Variants in TNPO3 observed in about 807,000 individuals in gnomAD.
The protein encoded by TNPO3 is transportin-3.
TNPO3 carries 65 observed loss-of-function variants against 122.8 expected under a neutral mutation model. That is an observed-to-expected ratio of 0.53 (90% confidence interval 0.43 to 0.65). TNPO3 has a LOEUF of 0.65. TNPO3 is among the 30% of genes least tolerant of loss of function. TNPO3 has a pLI of 0.00. For missense variants in TNPO3, 850 were observed against 1,136.7 expected (o/e 0.75, Z 3.63); for synonymous variants, 372 against 411.2 (o/e 0.90, Z 1.15).
intron 20 of TNPO3, 152 bp from the exon 21 acceptor site, chr7:128,967,544 C>T: frequency 1.7e-6 from 1 of 587,278 alleles, no homozygotes. Flanking sequence ...AAAGTGCTCT[C>T]ATTAGCCCTT....
intron 21 of TNPO3, among the ~76,000 whole-genome samples, chr7:128,958,137 C>CTTTTTTTTTTTTTTT (rs55683535): frequency 3.1e-5 from 3 of 96,202 alleles, no homozygotes; most frequent in Admixed American, 1.3e-4. Flanking sequence ...GAAGCACTTC[C>CTTTTTTTTTTTTTTT]TTTTTTTTTT....
chr7:128,991,987 T>A lies in TNPO3; in HGVS notation c.1358+12A>T, dbSNP rs746455886. ...TTTAGAGTTCCCAGCAAAAGACTTA[T>A]GAGACACTCACGGATCAACACTCTT... On this transcript the variant is annotated intron_variant, in intron 10 of 22. Transcript: ENST00000265388. 6.4e-7 allele frequency: 1 copy of A among 1,570,606 alleles called. No homozygotes were observed. The highest frequency in any genetic ancestry group is 1.2e-5 in the South Asian group (1 of 85,586).
chr7:128,980,714 AAAC>A lies in TNPO3; in HGVS notation c.1860-686_1860-684del, dbSNP rs766836664. Among the ~76,000 whole-genome samples the A allele has an allele frequency of 5.4e-3, 818 of 152,172 alleles. 7 individuals carry two copies. The highest frequency in any genetic ancestry group is 9.4e-3 in the Non-Finnish European group (642 of 67,986). ...CTCCATCTCAAAAACAAACAAACAA[AAAC>A]AACAACAACAACAACAACAAAACCA... On this transcript the variant is annotated intron_variant, in intron 14 of 22. Transcript: ENST00000265388.
rs1797628460 is a variant in TNPO3, at chr7:128,963,151, T to A, written c.2711+4129A>T. Reference sequence around the variant, plus strand: ...ACTATGTGCAAGATCTTCTTTAGATTTCCATTTGGTATCTCATAATAACCT... The same window carrying A: ...ACTATGTGCAAGATCTTCTTTAGATATCCATTTGGTATCTCATAATAACCT... On this transcript the variant is annotated intron_variant, in intron 21 of 22. Transcript: ENST00000265388. Among the ~76,000 whole-genome samples, 2 of 152,236 alleles carry A rather than the reference T, an allele frequency of 1.3e-5. 1 individual carries two copies. The highest frequency in any genetic ancestry group is 4.8e-5 in the African/African-American group (2 of 41,472).
intron 1 of TNPO3, among the ~76,000 whole-genome samples, chr7:129,032,449 T>C (rs973724880): frequency 6.6e-6 from 1 of 152,164 alleles, no homozygotes; most frequent in African/African-American, 2.4e-5. Flanking sequence ...TTCAACATGA[T>C]CTTACTTGTA....
chr7:129,004,969 GA>G, intron 5 of TNPO3, 46 bp downstream of exon 5: 2 of 1,576,940 alleles, frequency 1.3e-6, no homozygotes, highest in South Asian at 1.2e-5. Context: ...GGTTAGTTAC[GA>G]AAAGTGATTG....
intron 4 of TNPO3, among the ~76,000 whole-genome samples, chr7:129,008,919 A>G (rs1802882654): frequency 6.6e-6 from 1 of 152,228 alleles, no homozygotes; most frequent in Non-Finnish European, 1.5e-5. Flanking sequence ...CTGAAAGACC[A>G]AATTCTGAAA....
chr7:128,988,363 C>T (rs1369208573), intron 11 of TNPO3, among the ~76,000 whole-genome samples: 1 of 152,180 alleles, frequency 6.6e-6, no homozygotes, highest in Admixed American at 6.5e-5. Context: ...GCACAATCTG[C>T]CTACCTCCAC....
At chr7:128,957,935 G>A (rs1797056126) in intron 21 of TNPO3, among the ~76,000 whole-genome samples, 1 of 152,102 alleles carries the variant, frequency 6.6e-6, no homozygotes, top group South Asian at 2.1e-4. Flanking sequence ...GACAAAGCAG[G>A]AGATGCCTAT....
intron 15 of TNPO3, 123 bp downstream of exon 15, chr7:128,979,848 C>A: frequency 2.3e-6 from 2 of 858,150 alleles, no homozygotes; most frequent in Non-Finnish European, 1.9e-6. Context: ...TCATTGAAAC[C>A]ACATCAACAA....
chr7:129,046,646 A>C (rs963517489), intron 1 of TNPO3, among the ~76,000 whole-genome samples: 5 of 152,348 alleles, frequency 3.3e-5, no homozygotes, highest in Admixed American at 2.6e-4. Flanking sequence ...CCCATGTATT[A>C]ATGTGTTCTC....
At chr7:128,970,111 G>A (rs1210037170) in intron 20 of TNPO3, 37 bp downstream of exon 20, 2 of 1,612,614 alleles carry the variant, frequency 1.2e-6, no homozygotes, top group Non-Finnish European at 1.7e-6. Context: ...TTACATTTAG[G>A]GACTATGAGA....
At chr7:129,017,429 T>C (rs12539476) in intron 2 of TNPO3, among the ~76,000 whole-genome samples, 13,738 of 152,272 alleles carry the variant, frequency 0.09, 859 homozygotes, top group South Asian at 0.15. Flanking sequence ...AGTCAGACCT[T>C]TGACTCAGTT....
At chr7:129,037,453 T>C (rs1409015535) in intron 1 of TNPO3, among the ~76,000 whole-genome samples, 1 of 152,094 alleles carries the variant, frequency 6.6e-6, no homozygotes, top group Non-Finnish European at 1.5e-5. Context: ...CTGCTAACAC[T>C]TCTAACAAAT....
At chr7:129,022,530 T>C (rs754595795) in intron 1 of TNPO3, among the ~76,000 whole-genome samples, 1 of 150,240 alleles carries the variant, frequency 6.7e-6, no homozygotes, top group Non-Finnish European at 1.5e-5. Context: ...AAACTATACA[T>C]TGAAAGAGTA....
At chr7:128,998,287 G>A (rs1357853173) in intron 7 of TNPO3, among the ~76,000 whole-genome samples, 1 of 152,084 alleles carries the variant, frequency 6.6e-6, no homozygotes, top group Non-Finnish European at 1.5e-5. Context: ...CTGAGCCCAG[G>A]AGGCTGAGGC....
chr7:128,987,673 C>G (rs1392345790), intron 11 of TNPO3, among the ~76,000 whole-genome samples: 1 of 152,148 alleles, frequency 6.6e-6, no homozygotes, highest in Non-Finnish European at 1.5e-5. Context: ...CTCCATCTCG[C>G]AGGTTCAAGC....
At chr7:129,006,619 C>G (rs1436877470) in intron 4 of TNPO3, among the ~76,000 whole-genome samples, 1 of 152,136 alleles carries the variant, frequency 6.6e-6, no homozygotes, top group East Asian at 1.9e-4. Context: ...CCATGGGGTT[C>G]AGGAGGCATG....
At chr7:129,041,565 G>A in intron 1 of TNPO3, 2 of 985,420 alleles carry the variant, frequency 2.0e-6, no homozygotes, top group Non-Finnish European at 2.4e-6. Flanking sequence ...ACACTTCATA[G>A]GACTTTCTAG....
Sources: gnomAD v4.1 joint callset for allele counts (sites outside exome capture counted in the v4.1 genomes callset) on GRCh38, gnomAD v4.1.1 for gene constraint, MANE v1.5 for transcripts, NCBI Gene and HGNC (gene_info 2026-07-23, HGNC 2026-07-21) for gene names.